The following BRD3 variants were observed in gnomAD, a reference collection of about 807,000 sequenced individuals.
BRD3 encodes the protein bromodomain containing 3.
In BRD3, 17 loss-of-function variants were observed where a neutral mutation model predicts 66.8. The observed-to-expected ratio is 0.25, with a 90% CI of 0.17 to 0.38. The LOEUF (loss-of-function observed/expected upper bound fraction) is 0.38, where lower values mean the gene tolerates loss of function less well. BRD3 is among the 10% of genes least tolerant of loss of function. The pLI is 1.00. For synonymous variants in BRD3, 421 were observed against 393.2 expected (o/e 1.07, Z -0.84); for missense variants, 713 against 956.1 (o/e 0.75, Z 3.35).
rs1002921012 is a variant in BRD3 at position 134,033,194 on chromosome 9, A to G, written c.*396T>C. ...GACAAAGCTAACAGCTTTCAAATAC[A>G]GTACCCATATCCGAGACATTTCCTT... On this transcript the variant is annotated 3_prime_UTR_variant, in exon 12 of 12. Coordinates refer to ENST00000303407, the MANE Select transcript of BRD3 (RefSeq NM_007371.4). This position sits in a 1 kb window ranked among gnomAD's most constrained non-coding sequence, Gnocchi z 5.1. 9.9e-6 allele frequency: 4 copies of G among 405,110 alleles called. No homozygotes were observed. Among genetic ancestry groups the G allele is most frequent in the African/African-American group, 8.2e-5 (4 of 48,740 alleles). The allele number at this position is 405,110 out of a possible 1,614,324, so 25.1% of individuals were successfully genotyped here.
chr9:134,049,364 A>G (rs1009576415), intron 5 of BRD3, among the ~76,000 whole-genome samples: 1 of 152,214 alleles, frequency 6.6e-6, no homozygotes, highest in African/African-American at 2.4e-5. Context: ...AGCGGGAGCC[A>G]CGGCTCCCAG....
chr9:134,046,225 G>C (rs116268228), intron 6 of BRD3, among the ~76,000 whole-genome samples: 1,890 of 152,346 alleles, frequency 0.012, 30 homozygotes, highest in African/African-American at 0.03. Flanking sequence ...GGAGTGGCCA[G>C]AGGCAGGATC....
chr9:134,042,698 CACACAT>C (rs1830080697), intron 7 of BRD3, among the ~76,000 whole-genome samples: 1 of 87,616 alleles, frequency 1.1e-5, no homozygotes, highest in Non-Finnish European at 2.8e-5. Context: ...CACATATACA[CACACAT>C]ATATATACAC....
At chr9:134,034,945 C>T in intron 10 of BRD3, 116 bp from the exon 11 acceptor site, 3 of 1,484,570 alleles carry the variant, frequency 2.0e-6, no homozygotes, top group East Asian at 2.3e-5. Flanking sequence ...TGCCAGCTGC[C>T]CAGCTTTCAT....
At chr9:134,059,097 A>G (rs1337486211) in intron 1 of BRD3, among the ~76,000 whole-genome samples, 42 of 152,228 alleles carry the variant, frequency 2.8e-4, no homozygotes, top group Non-Finnish European at 1.9e-4. Context: ...TCTTTCAGAG[A>G]TTTGGACTGA....
rs1310672987 is a variant in BRD3 at position 134,066,402 on chromosome 9, C to G, written c.-114+1543G>C. ...GCATCAGGGCTGCCAGGGAAGAACC[C>G]GGAGGGAGGGCTCCCTAACCCCCGA... On this transcript the variant is annotated intron_variant, in intron 1 of 11. Transcript: ENST00000303407. 7.9e-5 allele frequency among the ~76,000 whole-genome samples: 12 copies of G among 152,294 alleles called. No individual in the cohort carries two copies. In the East Asian group the frequency reaches 2.3e-3, roughly 29 times the overall value.
At chr9:134,068,062 G>C (rs2132469002), upstream of BRD3, 1 of 144,586 alleles carries the variant, frequency 6.9e-6, no homozygotes, top group Non-Finnish European at 1.5e-5. Context: ...CATGCGCTGC[G>C]CCGCGGCGCC....
intron 10 of BRD3, among the ~76,000 whole-genome samples, chr9:134,035,575 G>A (rs1843591890): frequency 6.6e-6 from 1 of 152,180 alleles, no homozygotes; most frequent in Admixed American, 6.5e-5. Flanking sequence ...GTCAAAGGGA[G>A]GGTGTCCTTG....
chr9:134,036,560 C>T (rs548319007), intron 9 of BRD3: 107 of 1,610,680 alleles, frequency 6.6e-5, no homozygotes, highest in South Asian at 3.4e-4. Flanking sequence ...ACCCCATAGG[C>T]GTCTCAAACT....
chr9:134,041,514 G>A (rs1383935168), intron 8 of BRD3, among the ~76,000 whole-genome samples: 1 of 152,184 alleles, frequency 6.6e-6, no homozygotes, highest in African/African-American at 2.4e-5. Context: ...TCCCACCTGA[G>A]GCCCGCCAGG....
At chr9:134,067,683 C>CGGGAGCGGGAGGAG (rs1330376570) in intron 1 of BRD3, among the ~76,000 whole-genome samples, 2 of 146,012 alleles carry the variant, frequency 1.4e-5, no homozygotes, top group African/African-American at 2.5e-5. Flanking sequence ...GGCGGCCAAG[C>CGGGAGCGGGAGGAG]GGGAGCGGGA....
rs1830150018 is a variant in BRD3 at position 134,045,582 on chromosome 9, G to A, written c.1087-161C>T. On this transcript the variant is annotated intron_variant, in intron 6 of 11. Transcript: ENST00000303407. The surrounding 1 kb of genome is among the most constrained non-coding windows in gnomAD (Gnocchi z 4.8). ...GGACACCCCAGCTCTCTGGGACCTC[G>A]TACGAGGAAACCCAAAGTGAGGACA... 6.6e-6 allele frequency among the ~76,000 whole-genome samples: 1 copy of A among 152,162 alleles called. No individual in the cohort carries two copies. Among genetic ancestry groups the A allele is most frequent in the South Asian group, 2.1e-4 (1 of 4,828 alleles).
rs947972122 is a variant in BRD3, at chr9:134,048,314, G to A, written c.855C>T (p.Pro285=). The part of the protein sequence containing the change: ...VVARRESGGR[P]IKPPKKDLED... ...CCAGGTCCTTCTTGGGAGGCTTGAT[G>A]GGGCGGCCACCACTCTCCCGCCGGG... Residue 285 remains proline, a synonymous_variant, in exon 6 of 12, where the codon CCC becomes CCT. Transcript: ENST00000303407. 7 of 1,600,610 alleles carry A rather than the reference G, an allele frequency of 4.4e-6. No homozygotes were observed. In the African/African-American group the frequency reaches 9.3e-5, roughly 21 times the overall value.
intron 6 of BRD3, chr9:134,047,881 G>A (rs1170372416): frequency 1.3e-5 from 8 of 626,904 alleles, no homozygotes; most frequent in East Asian, 9.2e-5. Flanking sequence ...CACAGACTCC[G>A]GGACCCACAG....
chr9:134,044,050 C>T (rs1830116091), intron 7 of BRD3, among the ~76,000 whole-genome samples: 2 of 152,250 alleles, frequency 1.3e-5, no homozygotes, highest in African/African-American at 2.4e-5. Context: ...GTCCTCTATG[C>T]TCAGCTCCCT....
At chr9:134,061,586 T>C (rs1830545055) in intron 1 of BRD3, among the ~76,000 whole-genome samples, 2 of 152,174 alleles carry the variant, frequency 1.3e-5, no homozygotes, top group Non-Finnish European at 2.9e-5. Context: ...GGAATTTCCA[T>C]AGCTCTGGGC....
chr9:134,051,881 T>TGTG (rs1564555879), intron 3 of BRD3, among the ~76,000 whole-genome samples, 172 bp from the exon 4 acceptor site: 6 of 51,792 alleles, frequency 1.2e-4, no homozygotes, highest in South Asian at 1.1e-3. Context: ...GTGTGTGTTG[T>TGTG]TTTTTTTGTT....
intron 1 of BRD3, among the ~76,000 whole-genome samples, chr9:134,061,655 G>A (rs1830546181): frequency 6.6e-6 from 1 of 152,214 alleles, no homozygotes; most frequent in South Asian, 2.1e-4. Context: ...CCCGTCTCCT[G>A]GACTCTGTCC....
At chr9:134,047,824 C>G (rs962553890) in intron 6 of BRD3, among the ~76,000 whole-genome samples, 1 of 152,228 alleles carries the variant, frequency 6.6e-6, no homozygotes, top group African/African-American at 2.4e-5. Flanking sequence ...GGAATGAAAT[C>G]AATGAAATCA....
Sources: allele counts gnomAD v4.1 joint callset (sites outside exome capture counted in the v4.1 genomes callset), GRCh38; gene constraint gnomAD v4.1.1; non-coding constraint Gnocchi (gnomAD v3.1); transcripts MANE v1.5; gene names NCBI Gene and HGNC (gene_info 2026-07-23, HGNC 2026-07-21).